The following CPZ variants were observed in gnomAD, a reference collection of about 807,000 sequenced individuals.
CPZ encodes VEZT/CPZ fusion.
A neutral mutation model predicts 61.8 loss-of-function variants in CPZ; 103 were observed. That is an observed-to-expected ratio of 1.67 (90% CI 1.42 to 1.96). The LOEUF (loss-of-function observed/expected upper bound fraction) is 1.96, where lower values mean the gene tolerates loss of function less well. CPZ is among the 30% of genes most tolerant of loss of function. The pLI, the probability that CPZ is intolerant of heterozygous loss-of-function variation, is 0.00. For missense variants in CPZ, 1,461 were observed against 914.9 expected (o/e 1.60, Z -7.70); for synonymous variants, 551 against 373.7 (o/e 1.47, Z -5.47).
intron 3 of CPZ, 31 bp from the exon 4 acceptor site, chr4:8,603,945 C>A (rs201458208): frequency 6.3e-7 from 1 of 1,596,002 alleles, no homozygotes; most frequent in South Asian, 1.1e-5. Context: ...GGGGGCCTGA[C>A]ACTGACTGAG....
chr4:8,593,456 G>A (rs188237895), intron 1 of CPZ, among the ~76,000 whole-genome samples: 32 of 152,302 alleles, frequency 2.1e-4, no homozygotes, highest in Admixed American at 1.3e-4. Flanking sequence ...GGGAATGGAC[G>A]CAGGGATCCT....
At chr4:8,606,302 A>G (rs1408244330) in intron 5 of CPZ, 117 bp downstream of exon 5, 4 of 1,041,280 alleles carry the variant, frequency 3.8e-6, no homozygotes, top group East Asian at 2.6e-5. Flanking sequence ...GGAGAGGAGC[A>G]TTCAGCAGGT....
chr4:8,609,291 A>ATTCG (rs1715432109), intron 7 of CPZ, among the ~76,000 whole-genome samples: 1 of 150,224 alleles, frequency 6.7e-6, no homozygotes, highest in South Asian at 2.1e-4. Context: ...TAATTTTCTC[A>ATTCG]GTCATTCATC....
At chr4:8,592,952 C>T (rs1202426557) in intron 1 of CPZ, 31 bp downstream of exon 1, 2 of 1,480,710 alleles carry the variant, frequency 1.4e-6, no homozygotes, top group Non-Finnish European at 1.8e-6. Flanking sequence ...CACCCTCCAC[C>T]CTCCACCCTG....
intron 9 of CPZ, among the ~76,000 whole-genome samples, chr4:8,616,875 C>T (rs1209488184): frequency 5.3e-5 from 8 of 152,216 alleles, no homozygotes; most frequent in African/African-American, 4.8e-5. Context: ...GTGGGGGTCA[C>T]GAGCCCCAGA....
intron 9 of CPZ, among the ~76,000 whole-genome samples, chr4:8,615,108 G>T (rs1197308802): frequency 1.3e-5 from 2 of 151,984 alleles, no homozygotes; most frequent in African/African-American, 4.8e-5. Flanking sequence ...GTATAGGCAG[G>T]AAGTGGCTGG....
intron 9 of CPZ, among the ~76,000 whole-genome samples, chr4:8,616,837 C>T (rs1478294490): frequency 6.6e-6 from 1 of 152,228 alleles, no homozygotes; most frequent in Non-Finnish European, 1.5e-5. Flanking sequence ...TTCCATTAAG[C>T]AGCGAAGTGT....
In CPZ at chr4:8,613,133, CT is replaced by C. The variant is rs36005113; in HGVS notation, c.1363+988del. Among the ~76,000 whole-genome samples, 1,998 of 134,676 alleles carry C rather than the reference CT, an allele frequency of 0.015. 132 individuals carry two copies. In the East Asian group the frequency reaches 0.24, roughly 16 times the overall value. 88.4% of individuals were successfully genotyped at this position (134,676 alleles called of 152,430 possible). A position where few individuals can be genotyped will look rare whatever the true frequency, so the allele number is the denominator to read the frequency against. On this transcript the variant is annotated intron_variant, in intron 8 of 10. Transcript: ENST00000360986. ...AGCTGGGAGAGGCCCCTCTCTGTTC[CT>C]TTTTTTTTTTTTTTTTGAGACGGAG... is the stretch of plus-strand genomic sequence containing the variant.
chr4:8,596,674 A>G (rs1324091158), intron 1 of CPZ, among the ~76,000 whole-genome samples: 2 of 152,198 alleles, frequency 1.3e-5, no homozygotes, highest in Non-Finnish European at 2.9e-5. Context: ...CCCAATCTAC[A>G]CATGAGGAAA....
intron 2 of CPZ, 177 bp downstream of exon 2, chr4:8,599,662 A>G (rs190712971): frequency 1.7e-4 from 243 of 1,430,944 alleles, no homozygotes; most frequent in Non-Finnish European, 2.1e-4. Flanking sequence ...ACATAACAAA[A>G]AAAGACCAGC....
chr4:8,618,213 G>A (rs548261188), intron 9 of CPZ: 29 of 575,286 alleles, frequency 5.0e-5, no homozygotes, highest in African/African-American at 1.7e-4. Context: ...AGCCCAGAAC[G>A]TGCTCGGGTC....
rs373915315 is a variant in CPZ, at chr4:8,604,078, C to T, written c.599C>T (p.Thr200Met). Reference protein sequence around the residue: ...YAQMVRVLRRTASRCAHVART... With the variant: ...YAQMVRVLRRMASRCAHVART... ...CAGATGGTGCGTGTGCTGAGGCGGA[C>T]GGCCTCCCGCTGCGCCCACGTGGCC... The change falls in exon 4 of 11, where the codon ACG (threonine) becomes ATG (methionine). Residue 200 changes from threonine (T) to methionine (M), a missense_variant. Thr to Met is a moderately conservative substitution (Grantham distance 81). Coordinates refer to ENST00000360986, the MANE Select transcript of CPZ (RefSeq NM_001014447.3). The T allele has an allele frequency of 3.0e-5, 49 of 1,609,806 alleles. No individual in the cohort carries two copies. The highest frequency in any genetic ancestry group is 1.6e-4 in the Middle Eastern group (1 of 6,066).
At chr4:8,608,420 T>G (rs534587405) in intron 7 of CPZ, among the ~76,000 whole-genome samples, 1 of 152,176 alleles carries the variant, frequency 6.6e-6, no homozygotes, top group Non-Finnish European at 1.5e-5. Flanking sequence ...ACATCGTTTG[T>G]TCTCCTTTCT....
intron 7 of CPZ, 63 bp from the exon 8 acceptor site, chr4:8,611,963 AC>A (rs1211426470): frequency 5.5e-5 from 89 of 1,608,580 alleles, no homozygotes; most frequent in Non-Finnish European, 6.8e-5. Context: ...CCCCTCATTG[AC>A]CCCAGCTCAC....
intron 7 of CPZ, among the ~76,000 whole-genome samples, chr4:8,607,915 C>G (rs1445963158): frequency 6.6e-6 from 1 of 152,216 alleles, no homozygotes; most frequent in Admixed American, 6.5e-5. Context: ...CCACCGTCCA[C>G]TGGGCCATTA....
intron 1 of CPZ, among the ~76,000 whole-genome samples, chr4:8,599,142 C>A (rs1714386199): frequency 6.6e-6 from 1 of 152,254 alleles, no homozygotes; most frequent in Admixed American, 6.5e-5. Context: ...GCTCTTCTGT[C>A]CTGGACATCA....
chr4:8,604,329 A>G lies in CPZ; in HGVS notation c.709+141A>G, dbSNP rs1714787059. On this transcript the variant is annotated intron_variant, in intron 4 of 10. Transcript: ENST00000360986. ...CTCAGGGAGCTGCTTGGTGCAGGCC[A>G]CGTCCCGCTGGGCATGTGCAACCAC... The G allele has an allele frequency of 7.0e-6, 5 of 713,992 alleles. No homozygotes were observed. The South Asian group carries it at 1.0e-4, about 14-fold the overall frequency. 44.2% of individuals were successfully genotyped at this position (713,992 alleles called of 1,614,324 possible). A position where few individuals can be genotyped will look rare whatever the true frequency, so the allele number is the denominator to read the frequency against.
At chr4:8,613,638 A>G (rs942388107) in intron 8 of CPZ, among the ~76,000 whole-genome samples, 6 of 152,184 alleles carry the variant, frequency 3.9e-5, no homozygotes, top group Non-Finnish European at 7.3e-5. Flanking sequence ...TGTGGGTGCT[A>G]TCATCCTAGG....
rs571251410 is a variant in CPZ, at chr4:8,603,956, C to G, written c.497-20C>G. ...GCCTGGGGGCCTGACACTGACTGAG[C>G]CCCCCCACTGCTCCCCCAGGAGGCC... On this transcript the variant is annotated intron_variant, in intron 3 of 10. Transcript: ENST00000360986. 7 of 1,602,528 alleles carry G rather than the reference C, an allele frequency of 4.4e-6. No homozygotes were observed. In the African/African-American group the frequency reaches 9.4e-5, roughly 21 times the overall value.
Sources: allele counts gnomAD v4.1 joint callset (sites outside exome capture counted in the v4.1 genomes callset), GRCh38; gene constraint gnomAD v4.1.1; transcripts MANE v1.5; gene names NCBI Gene and HGNC (gene_info 2026-07-23, HGNC 2026-07-21).